Variants in HECW1 observed in about 807,000 individuals in gnomAD.
HECW1 encodes the protein E3 ubiquitin-protein ligase HECW1.
A neutral mutation model predicts 182.3 loss-of-function variants in HECW1; 61 were observed. That is an observed-to-expected ratio of 0.33 (90% confidence interval 0.27 to 0.41). The LOEUF is 0.41. Among genes scored for constraint, HECW1 ranks in the 10% least tolerant of loss-of-function variants. HECW1 has a pLI of 1.00. For synonymous variants in HECW1, 859 were observed against 832.6 expected, an observed-to-expected ratio of 1.03 and a Z score of -0.55; for missense variants, 1,739 against 2,108.9, an observed-to-expected ratio of 0.82 and a Z score of 3.44.
chr7:43,425,783 A>T lies in HECW1; in HGVS notation c.802-12220A>T, dbSNP rs143213624. 3.5e-3 allele frequency among the ~76,000 whole-genome samples: 532 copies of T among 152,266 alleles called. 2 individuals are homozygous for T. The highest frequency in any genetic ancestry group is 0.012 in the African/African-American group (511 of 41,546). Reference sequence around the variant, plus strand: ...AATTAATGCCTTCAATAATAGCATTAATCCATTTATGAGGGCAGAGCCTTC... The same window carrying T: ...AATTAATGCCTTCAATAATAGCATTTATCCATTTATGAGGGCAGAGCCTTC... On this transcript the variant is annotated intron_variant, in intron 8 of 29. Coordinates refer to ENST00000395891, the MANE Select transcript of HECW1 (RefSeq NM_015052.5).
At chr7:43,149,108 T>C (rs1406074037) in intron 2 of HECW1, among the ~76,000 whole-genome samples, 2 of 152,124 alleles carry the variant, frequency 1.3e-5, no homozygotes, top group Non-Finnish European at 2.9e-5. Flanking sequence ...CTAAAAAGTT[T>C]TAGGAGAAAT....
intron 3 of HECW1, among the ~76,000 whole-genome samples, chr7:43,251,809 GA>G (rs1229925854): frequency 6.6e-6 from 1 of 152,166 alleles, no homozygotes; most frequent in Non-Finnish European, 1.5e-5. Flanking sequence ...GGAATTAGCT[GA>G]AGCGCATGTT....
At chr7:43,530,363 T>C (rs2080933331) in intron 24 of HECW1, among the ~76,000 whole-genome samples, 1 of 152,080 alleles carries the variant, frequency 6.6e-6, no homozygotes, top group African/African-American at 2.4e-5. Flanking sequence ...TTTTATTATA[T>C]CTTTATTATA....
intron 8 of HECW1, among the ~76,000 whole-genome samples, chr7:43,436,163 C>CAAAA (rs750081980): frequency 2.7e-4 from 18 of 66,980 alleles, no homozygotes; most frequent in East Asian, 9.3e-4. Context: ...GACTTTGTCT[C>CAAAA]AAAAAAAAAA....
chr7:43,173,365 A>G (rs1257506175), intron 2 of HECW1, among the ~76,000 whole-genome samples: 1 of 152,212 alleles, frequency 6.6e-6, no homozygotes, highest in African/African-American at 2.4e-5. Context: ...CTGAGCATCC[A>G]GTGACCATGT....
intron 2 of HECW1, among the ~76,000 whole-genome samples, chr7:43,182,049 G>T (rs914221603): frequency 2.0e-5 from 3 of 152,102 alleles, no homozygotes; most frequent in African/African-American, 7.3e-5. Flanking sequence ...CTCCCAAAGT[G>T]CTGGGATTAC....
intron 2 of HECW1, among the ~76,000 whole-genome samples, chr7:43,207,534 A>G (rs529837474): frequency 4.7e-4 from 72 of 152,270 alleles, no homozygotes; most frequent in African/African-American, 1.5e-3. Context: ...ATTACTGTTA[A>G]TTGTAGTCAT....
intron 4 of HECW1, among the ~76,000 whole-genome samples, chr7:43,317,185 C>G (rs1347104323): frequency 6.6e-6 from 1 of 152,146 alleles, no homozygotes. Context: ...AGCTTTTCTG[C>G]AGCAGCATCC....
Position 43,120,492 on chromosome 7 carries a change from G to T in HECW1, c.-32+6101G>T, listed in dbSNP as rs116490138. Among the ~76,000 whole-genome samples, 904 of 152,230 alleles carry T rather than the reference G, an allele frequency of 5.9e-3. 7 individuals are homozygous for T. The highest frequency in any genetic ancestry group is 0.021 in the African/African-American group (876 of 41,516). The stretch of plus-strand genomic sequence containing the variant: ...GCAGGAACCTATTTGTTTACCCAGT[G>T]CCTGGAAAAGTGTCTGGAACATATT... On this transcript the variant is annotated intron_variant, in intron 2 of 29. Coordinates refer to ENST00000395891, the MANE Select transcript of HECW1 (RefSeq NM_015052.5).
chr7:43,394,211 T>C (rs1281907435), intron 6 of HECW1, among the ~76,000 whole-genome samples: 1 of 152,152 alleles, frequency 6.6e-6, no homozygotes, highest in Non-Finnish European at 1.5e-5. Context: ...GATTATGCCA[T>C]GAGGACTGGC....
At chr7:43,232,136 A>C (rs1797939354) in intron 2 of HECW1, among the ~76,000 whole-genome samples, 1 of 152,148 alleles carries the variant, frequency 6.6e-6, no homozygotes, top group South Asian at 2.1e-4. Context: ...AAAGAAAGAA[A>C]CCAGCAAATA....
At chr7:43,478,783 A>G (rs2078314942) in intron 16 of HECW1, among the ~76,000 whole-genome samples, 1 of 152,136 alleles carries the variant, frequency 6.6e-6, no homozygotes. Context: ...TACACATTCT[A>G]TAATAAAAAA....
chr7:43,288,284 C>G (rs1402971121), intron 3 of HECW1, among the ~76,000 whole-genome samples: 6 of 152,098 alleles, frequency 3.9e-5, no homozygotes, highest in Non-Finnish European at 7.4e-5. Context: ...GCAAATTAGA[C>G]ACATCTAAGT....
In HECW1 at chr7:43,397,500, T is replaced by C. The variant is rs184364740; in HGVS notation, c.631+611T>C. The stretch of plus-strand genomic sequence containing the variant: ...TTCACCTGAGTGCAGGTGGGCTGAG[T>C]ACGAAAAGAGAGTCAGCAAAGGGTG... On this transcript the variant is annotated intron_variant, in intron 7 of 29. Transcript: ENST00000395891. 2.0e-3 allele frequency among the ~76,000 whole-genome samples: 311 copies of C among 152,166 alleles called. 1 individual carries two copies. Among genetic ancestry groups the C allele is most frequent in the African/African-American group, 7.1e-3 (295 of 41,510 alleles).
At chr7:43,159,635 A>C (rs969792375) in intron 2 of HECW1, among the ~76,000 whole-genome samples, 1 of 150,344 alleles carries the variant, frequency 6.7e-6, no homozygotes, top group Non-Finnish European at 1.5e-5. Context: ...ACATTTCCTT[A>C]TATCTTTACA....
At chr7:43,181,737 C>T (rs572458104) in intron 2 of HECW1, among the ~76,000 whole-genome samples, 2 of 150,922 alleles carry the variant, frequency 1.3e-5, no homozygotes, top group Admixed American at 1.3e-4. Flanking sequence ...GATATTAACT[C>T]TTTGTCAGAT....
intron 4 of HECW1, among the ~76,000 whole-genome samples, chr7:43,318,329 T>G (rs1049344746): frequency 2.0e-5 from 3 of 152,224 alleles, no homozygotes; most frequent in Non-Finnish European, 4.4e-5. Context: ...TTTGCAGAAA[T>G]GAGGCAATTA....
chr7:43,194,984 G>A (rs1385423329), intron 2 of HECW1, among the ~76,000 whole-genome samples: 5 of 152,092 alleles, frequency 3.3e-5, no homozygotes, highest in African/African-American at 1.2e-4. Context: ...ATGAGCGCCC[G>A]CTACCTCATC....
chr7:43,126,067 C>CA (rs1786207016), intron 2 of HECW1, among the ~76,000 whole-genome samples: 2 of 103,984 alleles, frequency 1.9e-5, no homozygotes, highest in Non-Finnish European at 3.7e-5. Flanking sequence ...TTTGTTCTCA[C>CA]TTTTTTTTTT....
Sources: gnomAD v4.1 joint callset for allele counts (sites outside exome capture counted in the v4.1 genomes callset) on GRCh38, gnomAD v4.1.1 for gene constraint, MANE v1.5 for transcripts, NCBI Gene and HGNC (gene_info 2026-07-23, HGNC 2026-07-21) for gene names.